LIPC: variants seen among roughly 807,000 people sequenced by gnomAD.
The protein encoded by LIPC is hepatic triacylglycerol lipase.
In LIPC, 44 loss-of-function variants were observed where a neutral mutation model predicts 50.7. The observed-to-expected ratio is 0.87, with a 90% CI of 0.68 to 1.11. The LOEUF (loss-of-function observed/expected upper bound fraction) is 1.11. Among genes scored for constraint, LIPC ranks in the 50% most tolerant of loss-of-function variants. The pLI, the probability that LIPC is intolerant of heterozygous loss-of-function variation, is 0.00. For synonymous variants in LIPC, 271 were observed against 256.4 expected (o/e 1.06, Z -0.54); for missense variants, 697 against 648.2 (o/e 1.08, Z -0.82).
At chr15:58,469,867 C>T (rs1185583030) in intron 1 of LIPC, among the ~76,000 whole-genome samples, 1 of 152,180 alleles carries the variant, frequency 6.6e-6, no homozygotes, top group East Asian at 1.9e-4. Flanking sequence ...AATAGAGGAG[C>T]TGATGGGCAC....
chr15:58,460,204 G>A (rs2140705147), intron 1 of LIPC, among the ~76,000 whole-genome samples: 1 of 152,344 alleles, frequency 6.6e-6, no homozygotes, highest in East Asian at 1.9e-4. Flanking sequence ...CCTGGCATCT[G>A]TCTTTAAGGA....
At chr15:58,470,347 C>CA (rs1894748637) in intron 1 of LIPC, among the ~76,000 whole-genome samples, 1 of 152,006 alleles carries the variant, frequency 6.6e-6, no homozygotes, top group Non-Finnish European at 1.5e-5. Flanking sequence ...GTATTATAGT[C>CA]ACAAAGGTAT....
At chr15:58,519,243 C>T (rs1044433976) in intron 1 of LIPC, among the ~76,000 whole-genome samples, 6 of 151,844 alleles carry the variant, frequency 4.0e-5, no homozygotes, top group Non-Finnish European at 8.8e-5. Context: ...CCTTTCTCTA[C>T]TAAAAATACA....
At chr15:58,465,278 G>A (rs868689007) in intron 1 of LIPC, among the ~76,000 whole-genome samples, 8 of 152,284 alleles carry the variant, frequency 5.3e-5, no homozygotes, top group African/African-American at 1.2e-4. Context: ...GGAGCAGGAT[G>A]TGTTTATTGA....
At chr15:58,566,214 G>A (rs1287681733) in intron 8 of LIPC, 6 of 985,424 alleles carry the variant, frequency 6.1e-6, no homozygotes, top group Non-Finnish European at 7.2e-6. Context: ...GGAAGTGTAA[G>A]AAGAAAGTTC....
At chr15:58,546,760 T>C (rs10459627) in intron 5 of LIPC, among the ~76,000 whole-genome samples, 57,461 of 151,996 alleles carry the variant, frequency 0.38, 12,940 homozygotes, top group Middle Eastern at 0.52. Flanking sequence ...CACCTCACCC[T>C]GATCATCCAA....
intron 1 of LIPC, among the ~76,000 whole-genome samples, chr15:58,477,889 C>T (rs1891051663): frequency 6.6e-6 from 1 of 152,142 alleles, no homozygotes; most frequent in Non-Finnish European, 1.5e-5. Context: ...ATTTGAGCCA[C>T]ATGGCAGTCC....
chr15:58,568,935 A>G lies in LIPC; in HGVS notation c.*108A>G, dbSNP rs1215522981. ...CATAAAGAATCTCACACAAAGCTTA[A>G]ATAAAGTTTAGATTTAAGGGGGGTA... On this transcript the variant is annotated 3_prime_UTR_variant, in exon 9 of 9. Transcript: ENST00000299022. 2 of 650,056 alleles carry G rather than the reference A, an allele frequency of 3.1e-6. No homozygotes were observed. The highest frequency in any genetic ancestry group is 2.6e-6 in the Non-Finnish European group (1 of 383,162). 40.3% of individuals were successfully genotyped at this position (650,056 alleles called of 1,614,324 possible).
chr15:58,512,880 T>C (rs1892371843), intron 1 of LIPC, among the ~76,000 whole-genome samples: 1 of 151,706 alleles, frequency 6.6e-6, no homozygotes, highest in Non-Finnish European at 1.5e-5. Flanking sequence ...ACGAGGGTCG[T>C]TCCACACACA....
chr15:58,457,236 A>T (rs1346196097), intron 1 of LIPC, among the ~76,000 whole-genome samples: 3 of 152,086 alleles, frequency 2.0e-5, no homozygotes, highest in Non-Finnish European at 2.9e-5. Context: ...CAGCCTCCTG[A>T]GTAGCTGGGA....
chr15:58,551,820 G>A (rs1893771546), intron 6 of LIPC, among the ~76,000 whole-genome samples: 1 of 152,206 alleles, frequency 6.6e-6, no homozygotes, highest in African/African-American at 2.4e-5. Flanking sequence ...ATCGCCTCCT[G>A]ATTGTAGTTT....
At chr15:58,555,033 T>C (rs1277949855) in intron 6 of LIPC, among the ~76,000 whole-genome samples, 4 of 152,178 alleles carry the variant, frequency 2.6e-5, no homozygotes, top group African/African-American at 7.2e-5. Flanking sequence ...TCCATCCTCC[T>C]GCAGAGATGC....
chr15:58,485,603 C>T (rs145748545), intron 1 of LIPC, among the ~76,000 whole-genome samples: 150 of 152,310 alleles, frequency 9.8e-4, no homozygotes, highest in Admixed American at 2.2e-3. Context: ...TCCCTCCATA[C>T]ACATCACACG....
intron 1 of LIPC, among the ~76,000 whole-genome samples, chr15:58,442,816 G>A (rs961144608): frequency 6.8e-6 from 1 of 146,680 alleles, no homozygotes; most frequent in African/African-American, 2.6e-5. Context: ...ACCTCCCAAG[G>A]TCCTGTGATT....
chr15:58,557,996 G>C (rs1353413643), intron 6 of LIPC, among the ~76,000 whole-genome samples: 2 of 152,078 alleles, frequency 1.3e-5, no homozygotes, highest in East Asian at 3.9e-4. Flanking sequence ...GGGATGACAG[G>C]CTAAGTCCCT....
chr15:58,433,403 C>T (rs764942915), intron 1 of LIPC, among the ~76,000 whole-genome samples: 2 of 152,188 alleles, frequency 1.3e-5, no homozygotes, highest in Non-Finnish European at 2.9e-5. Context: ...GCCCCTTGAG[C>T]CTTAACATAT....
At chr15:58,532,278 G>A (rs576897720) in intron 1 of LIPC, among the ~76,000 whole-genome samples, 6 of 152,146 alleles carry the variant, frequency 3.9e-5, no homozygotes, top group Non-Finnish European at 8.8e-5. Flanking sequence ...CCACACAAAT[G>A]TTTCCATCTT....
In LIPC at chr15:58,568,010, C is replaced by T. The variant is rs547395216; in HGVS notation, c.1389-706C>T. ...TTTAGTGAAGACTTGACCTTAGACGCAATTCAAAGAAAAAAGAAGTAATAA... is the reference window on the plus strand; with the variant it reads ...TTTAGTGAAGACTTGACCTTAGACGTAATTCAAAGAAAAAAGAAGTAATAA... On this transcript the variant is annotated intron_variant, in intron 8 of 8. Coordinates refer to ENST00000299022, the MANE Select transcript of LIPC (RefSeq NM_000236.3). 2.0e-5 allele frequency among the ~76,000 whole-genome samples: 3 copies of T among 151,916 alleles called. No homozygotes were observed. The East Asian group carries it at 5.8e-4, about 29-fold the overall frequency.
In LIPC at chr15:58,482,718, C is replaced by T. The variant is rs559074908; in HGVS notation, c.88+50598C>T. Among the ~76,000 whole-genome samples, 11 of 152,266 alleles carry T rather than the reference C, an allele frequency of 7.2e-5. 1 individual carries two copies. The highest frequency in any genetic ancestry group is 2.6e-4 in the African/African-American group (11 of 41,548). ...CCCCTAATCCCCTGAGAAGTACATC[C>T]TGTATTTCTGAGGTAACATTTTACG... On this transcript the variant is annotated intron_variant, in intron 1 of 8. Transcript: ENST00000299022.
Sources: allele counts gnomAD v4.1 joint callset (sites outside exome capture counted in the v4.1 genomes callset), GRCh38; gene constraint gnomAD v4.1.1; transcripts MANE v1.5; gene names NCBI Gene and HGNC (gene_info 2026-07-23, HGNC 2026-07-21).